The following METAP1D variants were observed in gnomAD, a reference collection of about 807,000 sequenced individuals.
METAP1D encodes the protein methionine aminopeptidase 1D, mitochondrial.
In METAP1D, 31 loss-of-function variants were observed where a neutral mutation model predicts 40.5. The ratio of observed to expected loss-of-function variants is 0.77; its 90% confidence interval spans 0.58 to 1.03. METAP1D has a LOEUF of 1.03. Ranked by LOEUF, METAP1D falls within the 50% of genes least tolerant of loss-of-function variation. The pLI is 0.00. For missense variants in METAP1D, 411 were observed against 420.7 expected, an observed-to-expected ratio of 0.98 and a Z score of 0.20; for synonymous variants, 151 against 146.4, an observed-to-expected ratio of 1.03 and a Z score of -0.22.
At chr2:172,036,613 T>C (rs971011735) in intron 1 of METAP1D, among the ~76,000 whole-genome samples, 6 of 151,722 alleles carry the variant, frequency 4.0e-5, no homozygotes, top group Non-Finnish European at 2.9e-5. Flanking sequence ...GATCCGCCTG[T>C]CTCGGCCTCC....
chr2:172,073,067 G>A (rs1344870546), intron 6 of METAP1D, among the ~76,000 whole-genome samples: 2 of 151,998 alleles, frequency 1.3e-5, no homozygotes, highest in African/African-American at 2.4e-5. Flanking sequence ...TGGAGCTCCC[G>A]CCTACTACTT....
intron 1 of METAP1D, among the ~76,000 whole-genome samples, 180 bp from the exon 2 acceptor site, chr2:172,061,318 C>A (rs1368468551): frequency 2.0e-5 from 3 of 152,210 alleles, no homozygotes; most frequent in South Asian, 4.1e-4. Context: ...AATAAATACG[C>A]TGTGTTACTA....
chr2:172,063,030 A>G (rs1046368599), intron 2 of METAP1D, among the ~76,000 whole-genome samples: 3 of 152,196 alleles, frequency 2.0e-5, no homozygotes, highest in Non-Finnish European at 4.4e-5. Flanking sequence ...AATACTGCCC[A>G]TGGTGGAGAA....
chr2:172,001,641 G>T (rs1688465992), intron 1 of METAP1D, among the ~76,000 whole-genome samples: 1 of 152,204 alleles, frequency 6.6e-6, no homozygotes, highest in Non-Finnish European at 1.5e-5. Flanking sequence ...GTATTTCAGT[G>T]TTAGTGGAGA....
Position 172,042,719 on chromosome 2 carries a change from G to GTGTACACATATACGTGTGTGTGTATA in METAP1D, c.41-18756_41-18755insATATGTACACATATACGTGTGTGTGT. On this transcript the variant is annotated intron_variant, in intron 1 of 9. Coordinates refer to ENST00000315796, the MANE Select transcript of METAP1D (RefSeq NM_199227.3). ...CACATATACGTGTGTGTGTGTATAT[G>GTGTACACATATACGTGTGTGTGTATA]TGTACACATATACGTGTGTGTGTGT... Among the ~76,000 whole-genome samples, 2 of 9,726 alleles carry GTGTACACATATACGTGTGTGTGTATA rather than the reference G, an allele frequency of 2.1e-4. 1 individual carries two copies. Among genetic ancestry groups the GTGTACACATATACGTGTGTGTGTATA allele is most frequent in the South Asian group, 0.019 (2 of 104 alleles). 6.4% of individuals were successfully genotyped at this position (9,726 alleles called of 152,430 possible).
chr2:172,078,873 G>T (rs984252044), intron 7 of METAP1D, among the ~76,000 whole-genome samples: 1 of 152,166 alleles, frequency 6.6e-6, no homozygotes, highest in Non-Finnish European at 1.5e-5. Flanking sequence ...CAAGGCCCAG[G>T]ACCCAGTAGT....
chr2:172,001,896 AG>A (rs1688472022), intron 1 of METAP1D, among the ~76,000 whole-genome samples: 1 of 152,136 alleles, frequency 6.6e-6, no homozygotes, highest in Non-Finnish European at 1.5e-5. Flanking sequence ...CAGGAGTTCA[AG>A]ACCAGCCTGG....
chr2:172,063,550 A>G (rs1370472228), intron 2 of METAP1D, among the ~76,000 whole-genome samples, 161 bp from the exon 3 acceptor site: 2 of 152,206 alleles, frequency 1.3e-5, no homozygotes. Context: ...GGGCAGGGGA[A>G]GGAACTGGGG....
intron 6 of METAP1D, among the ~76,000 whole-genome samples, chr2:172,075,324 G>A (rs539081923): frequency 2.6e-5 from 4 of 152,296 alleles, no homozygotes; most frequent in African/African-American, 9.6e-5. Flanking sequence ...TTTTCAGTAG[G>A]TTTCAGCAGA....
chr2:172,033,380 A>T (rs1689285607), intron 1 of METAP1D, among the ~76,000 whole-genome samples: 1 of 151,356 alleles, frequency 6.6e-6, no homozygotes, highest in Non-Finnish European at 1.5e-5. Context: ...TTGAGACGGA[A>T]TCTCACTCTG....
At chr2:172,022,288 G>A (rs1574098004) in intron 1 of METAP1D, among the ~76,000 whole-genome samples, 2 of 152,142 alleles carry the variant, frequency 1.3e-5, no homozygotes, top group South Asian at 4.1e-4. Context: ...TTGCTCTGTG[G>A]TTTTCTTGAG....
intron 1 of METAP1D, among the ~76,000 whole-genome samples, chr2:172,055,883 G>T (rs563967821): frequency 4.6e-5 from 7 of 152,324 alleles, no homozygotes; most frequent in African/African-American, 1.7e-4. Context: ...TCATGTGTGG[G>T]TGTGTCTGCA....
At position 172,077,785 on chromosome 2, in the gene METAP1D, T is replaced by C; in HGVS notation, c.705-12T>C. 2 of 1,448,240 alleles carry C rather than the reference T, an allele frequency of 1.4e-6. No individual in the cohort carries two copies. Among genetic ancestry groups the C allele is most frequent in the Non-Finnish European group, 1.9e-6 (2 of 1,058,828 alleles). 89.7% of individuals were successfully genotyped at this position (1,448,240 alleles called of 1,614,324 possible). A position where few individuals can be genotyped will look rare whatever the true frequency, so the allele number is the denominator to read the frequency against. On this transcript the variant is annotated splice_polypyrimidine_tract_variant and intron_variant, in intron 6 of 9. Coordinates refer to ENST00000315796, the MANE Select transcript of METAP1D (RefSeq NM_199227.3). The stretch of plus-strand genomic sequence containing the variant: ...TCTAATTTAATTAAATATTTTTTGG[T>C]CACTTTTAAAGCCACATAACTCATC...
intron 1 of METAP1D, among the ~76,000 whole-genome samples, chr2:172,020,171 G>C (rs1688972333): frequency 6.6e-6 from 1 of 152,094 alleles, no homozygotes; most frequent in African/African-American, 2.4e-5. Context: ...GTTTTTAGTA[G>C]AGATGGGGTG....
intron 1 of METAP1D, among the ~76,000 whole-genome samples, chr2:172,015,493 T>C (rs1314586129): frequency 1.3e-5 from 2 of 152,240 alleles, no homozygotes; most frequent in Non-Finnish European, 2.9e-5. Flanking sequence ...ATATTAATAT[T>C]AGCAAAGAAC....
intron 1 of METAP1D, among the ~76,000 whole-genome samples, chr2:172,023,560 A>G (rs1051881641): frequency 6.6e-6 from 1 of 152,222 alleles, no homozygotes; most frequent in African/African-American, 2.4e-5. Context: ...TGGTTACACC[A>G]GTACATGCAT....
At chr2:172,072,040 C>G (rs1259450246) in intron 6 of METAP1D, among the ~76,000 whole-genome samples, 2 of 152,088 alleles carry the variant, frequency 1.3e-5, no homozygotes, top group African/African-American at 2.4e-5. Context: ...ATCTGAGAAG[C>G]TTTTATTGAA....
chr2:172,079,240 G>T lies in METAP1D; in HGVS notation c.828G>T (p.Glu276Asp). Residue 276 changes from glutamate (E) to aspartate (D), a missense_variant, in exon 8 of 10, where the codon GAG (glutamate) becomes GAT (aspartate). Transcript: ENST00000315796. ...HHANDSDLPM[E>D]EGMAFTIEPI... ...CAAACGACAGTGATCTACCCATGGA[G>T]GAGGGCATGGCATTCACTATAGGTA... The T allele has an allele frequency of 6.2e-7, 1 of 1,614,062 alleles. No individual in the cohort carries two copies. Among genetic ancestry groups the T allele is most frequent in the Non-Finnish European group, 8.5e-7 (1 of 1,180,024 alleles).
intron 1 of METAP1D, among the ~76,000 whole-genome samples, chr2:172,014,884 C>T (rs1574091647): frequency 6.6e-6 from 1 of 151,552 alleles, no homozygotes; most frequent in East Asian, 2.0e-4. Flanking sequence ...GAACTCCTGA[C>T]CTTGTAATCC....
Sources: allele counts gnomAD v4.1 joint callset (sites outside exome capture counted in the v4.1 genomes callset), GRCh38; gene constraint gnomAD v4.1.1; transcripts MANE v1.5; gene names NCBI Gene and HGNC (gene_info 2026-07-23, HGNC 2026-07-21).